The following ADPRHL1 variants were observed in gnomAD, a reference collection of about 807,000 sequenced individuals.
The protein encoded by ADPRHL1 is inactive ADP-ribosyltransferase ARH2.
In ADPRHL1, 43 loss-of-function variants were observed where a neutral mutation model predicts 44.1. That is an observed-to-expected ratio of 0.98 (90% CI 0.76 to 1.26). ADPRHL1 has a LOEUF of 1.26. ADPRHL1 is among the 50% of genes most tolerant of loss of function. ADPRHL1 has a pLI of 0.00. For missense variants in ADPRHL1, 2,022 were observed against 2,496.9 expected, an observed-to-expected ratio of 0.81 and a Z score of 4.05; for synonymous variants, 878 against 1,017.4, an observed-to-expected ratio of 0.86 and a Z score of 2.61.
In ADPRHL1 at chr13:113,406,338, G is replaced by A. The variant is rs1329744175; in HGVS notation, c.2944C>T (p.Leu982Phe). 1.6e-5 allele frequency: 20 copies of A among 1,231,998 alleles called. No homozygotes were observed. Among genetic ancestry groups the A allele is most frequent in the Non-Finnish European group, 1.9e-5 (19 of 987,976 alleles). 76.3% of individuals were successfully genotyped at this position (1,231,998 alleles called of 1,614,324 possible). A position where few individuals can be genotyped will look rare whatever the true frequency, so the allele number is the denominator to read the frequency against. The change falls in exon 8 of 8, where the codon CTC becomes TTC. Residue 982 changes from leucine (L) to phenylalanine (F), a missense_variant. Transcript: ENST00000612156. Reference protein sequence around the residue: ...DDISGERTSELRDVKHPLPES... With the variant: ...DDISGERTSEFRDVKHPLPES... ...GGCAACGGATGCTTCACATCTCTGA[G>A]CTCAGAGGTCCTCTCTCCTGAAATA...
At chr13:113,450,954 C>CG (rs943607434) in intron 1 of ADPRHL1, among the ~76,000 whole-genome samples, 24 of 136,182 alleles carry the variant, frequency 1.8e-4, no homozygotes, top group Non-Finnish European at 3.4e-4. Flanking sequence ...AAAGGGAGAC[C>CG]CCCCCCCCCT....
rs114199665 is a variant in ADPRHL1, at chr13:113,404,845, C to T, written c.4437G>A (p.Pro1479=). 0.021 allele frequency: 26,118 copies of T among 1,247,610 alleles called. 401 individuals are homozygous for T. Among genetic ancestry groups the T allele is most frequent in the African/African-American group, 0.073 (4,735 of 64,638 alleles). 77.3% of individuals were successfully genotyped at this position (1,247,610 alleles called of 1,614,324 possible). The stretch of plus-strand genomic sequence containing the variant: ...CCTGTCCTTGGGCTGCCGGGCTTCC[C>T]GGCCCCTCGGGCTCCCCTGGAGGCA... ...PAVPPGEPEG[P]GSPAAQGQAQ... The change falls in exon 8 of 8, where the codon CCG becomes CCA. Residue 1479 remains proline, a synonymous_variant. Coordinates refer to ENST00000612156, the MANE Select transcript of ADPRHL1 (RefSeq NM_001394807.1).
intron 7 of ADPRHL1, among the ~76,000 whole-genome samples, chr13:113,415,750 C>CAAAAAAAAAAAAA (rs71214119): frequency 5.9e-4 from 37 of 63,024 alleles, no homozygotes; most frequent in African/African-American, 1.2e-3. Context: ...GACTCCATCT[C>CAAAAAAAAAAAAA]AAAAAAAAAA....
chr13:113,432,263 T>G (rs2044012703), intron 3 of ADPRHL1, among the ~76,000 whole-genome samples: 1 of 152,006 alleles, frequency 6.6e-6, no homozygotes. Context: ...CACAGGTGCG[T>G]GCCGTCATGC....
intron 7 of ADPRHL1, among the ~76,000 whole-genome samples, chr13:113,410,352 G>A (rs1237319991): frequency 6.6e-6 from 1 of 152,188 alleles, no homozygotes; most frequent in Non-Finnish European, 1.5e-5. Flanking sequence ...CCACGGTCTG[G>A]GGAGGGGCCT....
At chr13:113,414,604 C>T (rs374418239) in intron 7 of ADPRHL1, among the ~76,000 whole-genome samples, 1 of 152,098 alleles carries the variant, frequency 6.6e-6, no homozygotes, top group African/African-American at 2.4e-5. Context: ...GGTGCCAATG[C>T]TCCTCTTCCA....
Position 113,403,499 on chromosome 13 carries a change from C to T in ADPRHL1, c.5783G>A (p.Arg1928His), listed in dbSNP as rs893317202. 135 of 1,231,946 alleles carry T rather than the reference C, an allele frequency of 1.1e-4. No homozygotes were observed. The highest frequency in any genetic ancestry group is 1.3e-4 in the Non-Finnish European group (129 of 988,038). The allele number at this position is 1,231,946 out of a possible 1,614,324, so 76.3% of individuals were successfully genotyped here. ...CTTGGCCAGGTGCCTGGACCTCCCG[C>T]GACGCTCGGGCTCCGATGCCTCCAT... ...DRMEASEPER[R>H]GRSRHLAKYK... Residue 1928 changes from arginine (R) to histidine (H), a missense_variant, in exon 8 of 8, where the codon CGC (arginine) becomes CAC (histidine). Around this residue, in one of 8 missense-constraint regions of ADPRHL1, gnomAD observed 205 missense variants for 250.1 expected, o/e 0.82. Coordinates refer to ENST00000612156, the MANE Select transcript of ADPRHL1 (RefSeq NM_001394807.1).
intron 6 of ADPRHL1, among the ~76,000 whole-genome samples, chr13:113,423,353 C>T (rs1776087425): frequency 6.6e-6 from 1 of 152,148 alleles, no homozygotes; most frequent in South Asian, 2.1e-4. Flanking sequence ...GGTGTTTCAG[C>T]ACTAAGAGTC....
Position 113,453,262 on chromosome 13 carries a change from G to A in ADPRHL1, c.176C>T (p.Thr59Ile). The stretch of plus-strand genomic sequence containing the variant: ...CTCGGCGGTTGCGATGTGCATGATG[G>A]TGTTGTCACTCACGGGCCATTCTCC... Reference protein sequence around the residue: ...SPGEWPVSDNTIMHIATAEAL... With the variant: ...SPGEWPVSDNIIMHIATAEAL... The change falls in exon 1 of 8, where the codon ACC becomes ATC. Residue 59 changes from threonine to isoleucine, a missense_variant. Physicochemically the swap from Thr to Ile is moderately conservative, Grantham distance 89 (BLOSUM62 -1). This residue lies in a region of ADPRHL1 where 437 missense variants were observed against 430.7 expected (regional missense o/e 1.01). Coordinates refer to ENST00000612156, the MANE Select transcript of ADPRHL1 (RefSeq NM_001394807.1). This position sits in a 1 kb window ranked among gnomAD's most constrained non-coding sequence, Gnocchi z 5.4. 1 of 1,614,158 alleles carries A rather than the reference G, an allele frequency of 6.2e-7. No homozygotes were observed. The highest frequency in any genetic ancestry group is 8.5e-7 in the Non-Finnish European group (1 of 1,180,040).
chr13:113,408,107 A>G lies in ADPRHL1; in HGVS notation c.1175T>C (p.Leu392Pro). ...TGCGCGGCCCGTGACGTAGAGCAGC[A>G]GGCTGCTGAGGATGGAGTGGGCGGC... ...DPAAHSILSS[L>P]LLYVTGRADR... Residue 392 changes from leucine to proline, a missense_variant, in exon 8 of 8, where the codon CTG becomes CCG. Around this residue, in one of 8 missense-constraint regions of ADPRHL1, gnomAD observed 1,221 missense variants for 1,517.8 expected, o/e 0.80. Transcript: ENST00000612156. The G allele has an allele frequency of 8.1e-7, 1 of 1,232,074 alleles. No homozygotes were observed. The highest frequency in any genetic ancestry group is 4.1e-5 in the South Asian group (1 of 24,324). The allele number at this position is 1,232,074 out of a possible 1,614,324, so 76.3% of individuals were successfully genotyped here.
rs117840338 is a variant in ADPRHL1, at chr13:113,442,128, C to T, written c.379+2297G>A. ...TGTTTGTCTGAGAAAGGCTATTTTGCCTTCATTTCTGAAAGATATTTTTTT... is the reference window on the plus strand; with the variant it reads ...TGTTTGTCTGAGAAAGGCTATTTTGTCTTCATTTCTGAAAGATATTTTTTT... On this transcript the variant is annotated intron_variant, in intron 2 of 7. Coordinates refer to ENST00000612156, the MANE Select transcript of ADPRHL1 (RefSeq NM_001394807.1). Among the ~76,000 whole-genome samples, 126 of 152,338 alleles carry T rather than the reference C, an allele frequency of 8.3e-4. 3 individuals carry two copies. In the East Asian group the frequency reaches 0.022, roughly 26 times the overall value.
At chr13:113,412,834 C>T (rs1266441740) in intron 7 of ADPRHL1, among the ~76,000 whole-genome samples, 3 of 91,856 alleles carry the variant, frequency 3.3e-5, no homozygotes, top group East Asian at 2.4e-4. Flanking sequence ...GTTCACCCAC[C>T]GCCAACAGCG....
chr13:113,410,054 GC>G lies in ADPRHL1; in HGVS notation c.1062-1835del, dbSNP rs111321083. On this transcript the variant is annotated intron_variant, in intron 7 of 7. Transcript: ENST00000612156. ...CCTTGTTAAAAGCTGTTGCCAAGCA[GC>G]CCTGATGGAGGAGGTGACAGCGGCT... is the stretch of plus-strand genomic sequence containing the variant. The G allele has an allele frequency of 1.2e-5, 12 of 985,450 alleles. No homozygotes were observed. The African/African-American group carries it at 1.6e-4, about 13-fold the overall frequency. 61.0% of individuals were successfully genotyped at this position (985,450 alleles called of 1,614,324 possible). A position where few individuals can be genotyped will look rare whatever the true frequency, so the allele number is the denominator to read the frequency against.
At position 113,434,521 on chromosome 13, in the gene ADPRHL1, T is replaced by G. The variant is rs111403734; in HGVS notation, c.380-654A>C. Among the ~76,000 whole-genome samples, 112 of 94,528 alleles carry G rather than the reference T, an allele frequency of 1.2e-3. 1 individual carries two copies. The highest frequency in any genetic ancestry group is 3.6e-3 in the African/African-American group (89 of 25,046). The allele number at this position is 94,528 out of a possible 152,430, so 62.0% of individuals were successfully genotyped here. On this transcript the variant is annotated intron_variant, in intron 2 of 7. Coordinates refer to ENST00000612156, the MANE Select transcript of ADPRHL1 (RefSeq NM_001394807.1). ...TGTACCCCGGGACCCAGCATCCACA[T>G]GTAGAGTGAACACAGGTGTACCCCG...
Position 113,406,433 on chromosome 13 carries a change from G to C in ADPRHL1, c.2849C>G (p.Thr950Arg). The C allele has an allele frequency of 8.1e-7, 1 of 1,232,062 alleles. No homozygotes were observed. Among genetic ancestry groups the C allele is most frequent in the Non-Finnish European group, 1.0e-6 (1 of 987,992 alleles). 76.3% of individuals were successfully genotyped at this position (1,232,062 alleles called of 1,614,324 possible). A position where few individuals can be genotyped will look rare whatever the true frequency, so the allele number is the denominator to read the frequency against. Reference sequence around the variant, plus strand: ...GTTTTCCTTCCCGCCAGCAGGATCTGTCTGGAGTCTCTGTGTCAGAAGTGT... The same window carrying C: ...GTTTTCCTTCCCGCCAGCAGGATCTCTCTGGAGTCTCTGTGTCAGAAGTGT... ...PETLLTQRLQTDPAGGKENKG... is the reference protein window; with the variant it reads ...PETLLTQRLQRDPAGGKENKG... The change falls in exon 8 of 8, where the codon ACA becomes AGA. Residue 950 changes from threonine to arginine, a missense_variant. Thr to Arg is a moderately conservative substitution (Grantham distance 71). Transcript: ENST00000612156.
intron 1 of ADPRHL1, among the ~76,000 whole-genome samples, chr13:113,451,036 A>G (rs909383521): frequency 4.0e-5 from 6 of 150,824 alleles, no homozygotes; most frequent in Non-Finnish European, 7.4e-5. Context: ...TCCGCCTGGT[A>G]ACGGGCGTCT....
intron 6 of ADPRHL1, 74 bp from the exon 7 acceptor site, chr13:113,423,053 C>T: frequency 6.3e-7 from 1 of 1,584,938 alleles, no homozygotes; most frequent in Non-Finnish European, 8.6e-7. Context: ...GGGCTGGCCG[C>T]CCCTAAGGTG....
intron 2 of ADPRHL1, among the ~76,000 whole-genome samples, chr13:113,443,563 G>A (rs974070981): frequency 3.3e-5 from 5 of 152,020 alleles, no homozygotes; most frequent in Non-Finnish European, 7.4e-5. Flanking sequence ...AGGCTGCAGT[G>A]AGCCATGACT....
At position 113,400,578 on chromosome 13, in the gene ADPRHL1, C is replaced by G. The variant is rs557063912; in HGVS notation, c.*2800G>C. The G allele has an allele frequency of 6.6e-6, 1 of 152,100 alleles. No individual in the cohort carries two copies. The highest frequency in any genetic ancestry group is 2.4e-5 in the African/African-American group (1 of 41,394). 9.4% of individuals were successfully genotyped at this position (152,100 alleles called of 1,614,324 possible). On this transcript the variant is annotated 3_prime_UTR_variant, in exon 8 of 8. Coordinates refer to ENST00000612156, the MANE Select transcript of ADPRHL1 (RefSeq NM_001394807.1). Reference sequence around the variant, plus strand: ...CACCCCGGGAGGGTGTGGGCCTTAGCCATGTGGCCGTGATGGTCGTATCTG... The same window carrying G: ...CACCCCGGGAGGGTGTGGGCCTTAGGCATGTGGCCGTGATGGTCGTATCTG...
Sources: gnomAD v4.1 joint callset for allele counts (sites outside exome capture counted in the v4.1 genomes callset) on GRCh38, gnomAD v4.1.1 for gene constraint, gnomAD v4.1.1 regional missense constraint, Gnocchi (gnomAD v3.1) non-coding constraint, MANE v1.5 for transcripts, NCBI Gene and HGNC (gene_info 2026-07-23, HGNC 2026-07-21) for gene names.